FMN1: variants seen among roughly 807,000 people sequenced by gnomAD.
FMN1 encodes formin-1.
In FMN1, 110 loss-of-function variants were observed where a neutral mutation model predicts 132.4. The observed-to-expected ratio is 0.83, with a 90% confidence interval of 0.71 to 0.97. The LOEUF (loss-of-function observed/expected upper bound fraction) is 0.97. Among genes scored for constraint, FMN1 ranks in the 50% least tolerant of loss-of-function variants. The probability of loss-of-function intolerance (pLI) is 0.00; values close to 1 mark genes in which losing one functional copy is unlikely to be tolerated. For synonymous variants in FMN1, 722 were observed against 651.7 expected, an observed-to-expected ratio of 1.11 and a Z score of -1.64; for missense variants, 1,792 against 1,705.3, an observed-to-expected ratio of 1.05 and a Z score of -0.90.
intron 19 of FMN1, among the ~76,000 whole-genome samples, chr15:32,788,332 A>G (rs1306993106): frequency 6.6e-6 from 1 of 152,252 alleles, no homozygotes; most frequent in Admixed American, 6.5e-5. Flanking sequence ...AACTGAAATC[A>G]GCCCTGTGTC....
At chr15:33,110,291 A>C (rs941200779) in intron 4 of FMN1, among the ~76,000 whole-genome samples, 1 of 152,206 alleles carries the variant, frequency 6.6e-6, no homozygotes, top group Non-Finnish European at 1.5e-5. Context: ...ATTGTTCACA[A>C]TAACTGAAAC....
chr15:32,893,602 CA>C (rs1248648156), intron 15 of FMN1, among the ~76,000 whole-genome samples: 1 of 152,180 alleles, frequency 6.6e-6, no homozygotes, highest in African/African-American at 2.4e-5. Flanking sequence ...CACCACTAAC[CA>C]AAAAAGTCAT....
intron 9 of FMN1, among the ~76,000 whole-genome samples, chr15:32,955,462 T>TA (rs2061744298): frequency 6.6e-6 from 1 of 152,172 alleles, no homozygotes; most frequent in South Asian, 2.1e-4. Flanking sequence ...CACATACTTC[T>TA]AGCTTGGAAC....
intron 19 of FMN1, among the ~76,000 whole-genome samples, chr15:32,789,307 T>TA (rs1416287055): frequency 6.6e-6 from 1 of 152,226 alleles, no homozygotes; most frequent in Non-Finnish European, 1.5e-5. Flanking sequence ...ATTCTGGAGA[T>TA]ACGATAGCTC....
At chr15:32,950,032 T>C (rs868415836) in intron 9 of FMN1, among the ~76,000 whole-genome samples, 1 of 4,434 alleles carries the variant, frequency 2.3e-4, no homozygotes, top group African/African-American at 4.9e-4. Flanking sequence ...TATATATATA[T>C]ACACATATAT....
intron 7 of FMN1, among the ~76,000 whole-genome samples, chr15:33,001,357 AT>A (rs2034095753): frequency 1.3e-5 from 2 of 152,186 alleles, no homozygotes; most frequent in Admixed American, 1.3e-4. Flanking sequence ...TTTATTGATT[AT>A]TTAAATGAAT....
At position 32,767,334 on chromosome 15, in the gene FMN1, T is replaced by C. The variant is rs2056082149; in HGVS notation, c.*6976A>G. 6.6e-6 allele frequency: 1 copy of C among 152,184 alleles called. No individual in the cohort carries two copies. Among genetic ancestry groups the C allele is most frequent in the Non-Finnish European group, 1.5e-5 (1 of 68,050 alleles). 9.4% of individuals were successfully genotyped at this position (152,184 alleles called of 1,614,324 possible). A position where few individuals can be genotyped will look rare whatever the true frequency, so the allele number is the denominator to read the frequency against. Reference sequence around the variant, plus strand: ...CAGCATCCAGGGTCCAGGGTGTCACTAAGAAAACTAAACCCTGAAGTACTT... The same window carrying C: ...CAGCATCCAGGGTCCAGGGTGTCACCAAGAAAACTAAACCCTGAAGTACTT... On this transcript the variant is annotated 3_prime_UTR_variant, in exon 21 of 21. Coordinates refer to ENST00000616417, the MANE Select transcript of FMN1 (RefSeq NM_001277313.2).
At chr15:32,944,083 C>T (rs1369242675) in intron 9 of FMN1, among the ~76,000 whole-genome samples, 1 of 152,194 alleles carries the variant, frequency 6.6e-6, no homozygotes, top group Non-Finnish European at 1.5e-5. Context: ...TGATTCCTCC[C>T]AGCCAGTGCC....
chr15:32,841,745 G>A (rs2058749605), intron 17 of FMN1, among the ~76,000 whole-genome samples: 1 of 152,164 alleles, frequency 6.6e-6, no homozygotes, highest in African/African-American at 2.4e-5. Flanking sequence ...AGGAGAATGA[G>A]AAAATCCTGT....
chr15:32,962,111 A>T (rs2030632581), intron 9 of FMN1, among the ~76,000 whole-genome samples: 3 of 150,110 alleles, frequency 2.0e-5, no homozygotes, highest in South Asian at 4.6e-4. Context: ...AGGATTTATT[A>T]TTATTATTAT....
At chr15:33,182,059 T>C (rs934512536) in intron 2 of FMN1, among the ~76,000 whole-genome samples, 4 of 152,122 alleles carry the variant, frequency 2.6e-5, no homozygotes, top group Non-Finnish European at 5.9e-5. Flanking sequence ...GGAAAATAGA[T>C]TGTGAAAGGG....
intron 4 of FMN1, among the ~76,000 whole-genome samples, chr15:33,108,497 AGATAAC>A (rs1235515621): frequency 4.6e-5 from 7 of 151,882 alleles, no homozygotes; most frequent in African/African-American, 1.5e-4. Context: ...ATTGCAAGGT[AGATAAC>A]ATAATTCTCT....
intron 5 of FMN1, among the ~76,000 whole-genome samples, chr15:33,065,619 G>T (rs1346850315): frequency 6.6e-6 from 1 of 152,156 alleles, no homozygotes; most frequent in Admixed American, 6.5e-5. Flanking sequence ...ACAACTAGGA[G>T]AATGTTATAT....
At chr15:33,066,370 G>A in intron 5 of FMN1, 2 of 757,596 alleles carry the variant, frequency 2.6e-6, no homozygotes, top group Non-Finnish European at 2.1e-6. Flanking sequence ...ACTCCTTACA[G>A]GACAATATAA....
chr15:32,995,526 C>T (rs770008499), intron 7 of FMN1, among the ~76,000 whole-genome samples: 1 of 152,074 alleles, frequency 6.6e-6, no homozygotes, highest in Admixed American at 6.6e-5. Flanking sequence ...TAAAATAATC[C>T]ATGGTAAATG....
At chr15:33,011,473 T>G (rs190258248) in intron 6 of FMN1, among the ~76,000 whole-genome samples, 18 of 152,122 alleles carry the variant, frequency 1.2e-4, no homozygotes, top group African/African-American at 4.1e-4. Flanking sequence ...AATAATTATC[T>G]TATAAAATTT....
chr15:33,097,986 G>A (rs1185800370), intron 4 of FMN1, among the ~76,000 whole-genome samples: 8 of 152,092 alleles, frequency 5.3e-5, no homozygotes, highest in African/African-American at 1.4e-4. Flanking sequence ...TATCAAAATA[G>A]ACCGCACACT....
intron 4 of FMN1, among the ~76,000 whole-genome samples, chr15:33,104,526 C>T (rs1030341781): frequency 6.6e-6 from 1 of 151,946 alleles, no homozygotes; most frequent in African/African-American, 2.4e-5. Flanking sequence ...GAAAATGATA[C>T]AACAGAGGAC....
chr15:32,972,186 T>A (rs1245959061), intron 7 of FMN1, among the ~76,000 whole-genome samples: 3 of 152,214 alleles, frequency 2.0e-5, no homozygotes, highest in African/African-American at 7.2e-5. Flanking sequence ...CTCTCTCTAA[T>A]GCCTGGCAGA....
Sources: gnomAD v4.1 joint callset for allele counts (sites outside exome capture counted in the v4.1 genomes callset) on GRCh38, gnomAD v4.1.1 for gene constraint, MANE v1.5 for transcripts, NCBI Gene and HGNC (gene_info 2026-07-23, HGNC 2026-07-21) for gene names.